The following NFIA variants were observed in gnomAD, a reference collection of about 807,000 sequenced individuals.
NFIA encodes nuclear factor 1 A-type.
A neutral mutation model predicts 62.8 loss-of-function variants in NFIA; 8 were observed. That is an observed-to-expected ratio of 0.13 (90% CI 0.07 to 0.23). The LOEUF (loss-of-function observed/expected upper bound fraction) is 0.23. NFIA is among the 10% of genes least tolerant of loss of function. The pLI, the probability that NFIA is intolerant of heterozygous loss-of-function variation, is 1.00. For missense variants in NFIA, 410 were observed against 642.1 expected, an observed-to-expected ratio of 0.64 and a Z score of 3.91; for synonymous variants, 235 against 238.1, an observed-to-expected ratio of 0.99 and a Z score of 0.12.
At chr1:61,312,225 G>A (rs1405039678) in intron 3 of NFIA, among the ~76,000 whole-genome samples, 2 of 152,242 alleles carry the variant, frequency 1.3e-5, no homozygotes, top group African/African-American at 4.8e-5. Context: ...GGTGTGGGAA[G>A]TAGAGTTCAT....
chr1:61,459,717 T>C lies in NFIA; in HGVS notation c.*4397T>C, dbSNP rs1473078767. 1 of 152,274 alleles carries C rather than the reference T, an allele frequency of 6.6e-6. No homozygotes were observed. Among genetic ancestry groups the C allele is most frequent in the African/African-American group, 2.4e-5 (1 of 41,468 alleles). 9.4% of individuals were successfully genotyped at this position (152,274 alleles called of 1,614,324 possible). On this transcript the variant is annotated 3_prime_UTR_variant, in exon 11 of 11. Transcript: ENST00000403491. ...ATCTCCAAAAGTTTGTCTTTGATTT[T>C]TTCCAAGCCCTTAGCCCCATAAGCT...
chr1:61,293,651 TTACTC>T (rs1393952148), intron 3 of NFIA, among the ~76,000 whole-genome samples: 10 of 152,202 alleles, frequency 6.6e-5, no homozygotes, highest in African/African-American at 1.2e-4. Flanking sequence ...CTTCCCCACT[TTACTC>T]TAATTCAATT....
intron 2 of NFIA, among the ~76,000 whole-genome samples, chr1:61,268,235 C>G (rs1469510350): frequency 1.1e-4 from 16 of 152,182 alleles, no homozygotes; most frequent in Admixed American, 1.0e-3. Flanking sequence ...CTCATTAAGG[C>G]TTCTGCATTT....
At chr1:61,111,893 G>A (rs1243026231) in intron 2 of NFIA, among the ~76,000 whole-genome samples, 3 of 152,130 alleles carry the variant, frequency 2.0e-5, no homozygotes, top group African/African-American at 7.2e-5. Flanking sequence ...AAAACAAATT[G>A]TAAAGACATG....
intron 5 of NFIA, among the ~76,000 whole-genome samples, chr1:61,354,623 C>T (rs546371284): frequency 2.0e-5 from 3 of 152,320 alleles, no homozygotes; most frequent in South Asian, 4.1e-4. Flanking sequence ...CATTCACACT[C>T]AGGTCTGTTG....
chr1:61,218,367 T>C (rs542069861), intron 2 of NFIA, among the ~76,000 whole-genome samples: 1 of 152,310 alleles, frequency 6.6e-6, no homozygotes, highest in East Asian at 1.9e-4. Context: ...GTGGTGTATG[T>C]TGGAGTATAG....
upstream of NFIA, chr1:61,082,171 G>A (rs1332142730): frequency 2.6e-6 from 1 of 388,420 alleles, no homozygotes; most frequent in Admixed American, 4.2e-5. Flanking sequence ...GCTCCTCACT[G>A]CGTTACCCAG....
intron 6 of NFIA, among the ~76,000 whole-genome samples, chr1:61,369,629 A>G (rs1663777552): frequency 6.6e-6 from 1 of 152,264 alleles, no homozygotes; most frequent in South Asian, 2.1e-4. Context: ...TATAGACTCA[A>G]GACAAGTTGA....
intron 2 of NFIA, among the ~76,000 whole-genome samples, chr1:61,181,179 TG>T (rs1650732838): frequency 6.6e-6 from 1 of 152,230 alleles, no homozygotes; most frequent in Admixed American, 6.5e-5. Context: ...CTGTTGCAGA[TG>T]GAGTCCTGTA....
chr1:61,338,085 C>T (rs925989008), intron 4 of NFIA, among the ~76,000 whole-genome samples: 9 of 152,176 alleles, frequency 5.9e-5, no homozygotes, highest in Non-Finnish European at 1.2e-4. Flanking sequence ...ACACCCAAGC[C>T]GGCTGCAAGG....
In NFIA at chr1:61,383,317, G is replaced by C; in HGVS notation, c.1027G>C (p.Gly343Arg). 6.2e-7 allele frequency: 1 copy of C among 1,613,882 alleles called. No homozygotes were observed. The highest frequency in any genetic ancestry group is 1.1e-5 in the South Asian group (1 of 91,070). The change falls in exon 7 of 11, where the codon GGA (glycine) becomes CGA (arginine). Residue 343 changes from glycine (G) to arginine (R), a missense_variant. This residue lies in a region of NFIA where 298 missense variants were observed against 438.1 expected (regional missense o/e 0.68). Transcript: ENST00000403491. ...CTCCCCTTCACAGACCTCCTCCCTGGGAACGGCGTTCACACAGCATCACCG... is the reference window on the plus strand; with the variant it reads ...CTCCCCTTCACAGACCTCCTCCCTGCGAACGGCGTTCACACAGCATCACCG... ...SPSPSQTSSL[G>R]TAFTQHHRPV...
At chr1:61,242,195 G>A (rs189083807) in intron 2 of NFIA, among the ~76,000 whole-genome samples, 1 of 152,210 alleles carries the variant, frequency 6.6e-6, no homozygotes, top group East Asian at 1.9e-4. Context: ...TGTAAATACC[G>A]GATGCAGGGT....
chr1:61,196,861 A>G (rs1652033979), intron 2 of NFIA, among the ~76,000 whole-genome samples: 1 of 151,936 alleles, frequency 6.6e-6, no homozygotes, highest in African/African-American at 2.4e-5. Flanking sequence ...TTAAAAAATA[A>G]AGTCTATATA....
At chr1:61,167,135 T>C (rs1214067563) in intron 2 of NFIA, among the ~76,000 whole-genome samples, 1 of 152,146 alleles carries the variant, frequency 6.6e-6, no homozygotes, top group Non-Finnish European at 1.5e-5. Context: ...AGTGAGACTC[T>C]GTCTAAACAA....
intron 10 of NFIA, among the ~76,000 whole-genome samples, chr1:61,442,566 TAA>T (rs376261777): frequency 4.3e-5 from 6 of 140,464 alleles, no homozygotes; most frequent in Admixed American, 7.1e-5. Context: ...CAGAGTTGCT[TAA>T]AAAAAAAAAA....
intron 10 of NFIA, among the ~76,000 whole-genome samples, chr1:61,438,979 C>T (rs1667454673): frequency 6.8e-6 from 1 of 146,360 alleles, no homozygotes; most frequent in Non-Finnish European, 1.5e-5. Flanking sequence ...GTTTTCTGTC[C>T]ATTCCTAACA....
At chr1:61,098,662 A>G (rs1646458811) in intron 2 of NFIA, among the ~76,000 whole-genome samples, 1 of 152,224 alleles carries the variant, frequency 6.6e-6, no homozygotes, top group African/African-American at 2.4e-5. Flanking sequence ...TTTTATTAAG[A>G]ATTCTTTTCT....
At chr1:61,118,009 C>G (rs1417168855) in intron 2 of NFIA, among the ~76,000 whole-genome samples, 1 of 151,782 alleles carries the variant, frequency 6.6e-6, no homozygotes, top group Non-Finnish European at 1.5e-5. Context: ...CATGGTGAAA[C>G]CCCATCTCTA....
chr1:61,081,980 T>C (rs1427139882), upstream of NFIA: 1 of 1,550,722 alleles, frequency 6.4e-7, no homozygotes, highest in South Asian at 1.2e-5. Context: ...CTCGGTTCTC[T>C]ACGTGCCCAC....
Sources: allele counts gnomAD v4.1 joint callset (sites outside exome capture counted in the v4.1 genomes callset), GRCh38; gene constraint gnomAD v4.1.1; regional missense constraint gnomAD v4.1.1; transcripts MANE v1.5; gene names NCBI Gene and HGNC (gene_info 2026-07-23, HGNC 2026-07-21).